The following LRMDA variants were observed in gnomAD, a reference collection of about 807,000 sequenced individuals.
LRMDA encodes the protein leucine rich melanocyte differentiation associated.
In LRMDA, 18 loss-of-function variants were observed where a neutral mutation model predicts 29.8. The ratio of observed to expected loss-of-function variants is 0.60; its 90% CI spans 0.42 to 0.90. The LOEUF (loss-of-function observed/expected upper bound fraction) is 0.90, where lower values mean the gene tolerates loss of function less well. Among genes scored for constraint, LRMDA ranks in the 40% least tolerant of loss-of-function variants. The pLI, the probability that LRMDA is intolerant of heterozygous loss-of-function variation, is 0.00. For missense variants in LRMDA, 273 were observed against 273.9 expected, an observed-to-expected ratio of 1.00 and a Z score of 0.02; for synonymous variants, 125 against 109.4, an observed-to-expected ratio of 1.14 and a Z score of -0.89.
At chr10:76,055,093 A>G (rs1044872098) in intron 4 of LRMDA, among the ~76,000 whole-genome samples, 2 of 143,972 alleles carry the variant, frequency 1.4e-5, no homozygotes, top group Non-Finnish European at 3.0e-5. Context: ...AAAAAAAAAA[A>G]AGAAAAAGAA....
chr10:75,857,611 A>G (rs1844850294), intron 2 of LRMDA, among the ~76,000 whole-genome samples: 1 of 152,246 alleles, frequency 6.6e-6, no homozygotes. Context: ...TAATGGTGAA[A>G]GTAATCTATT....
chr10:76,220,087 A>G (rs1851802063), intron 5 of LRMDA, among the ~76,000 whole-genome samples: 1 of 152,240 alleles, frequency 6.6e-6, no homozygotes, highest in Admixed American at 6.5e-5. Flanking sequence ...AAGACACAAC[A>G]TACCAGAATC....
chr10:75,508,628 A>G (rs1042124753), intron 2 of LRMDA, among the ~76,000 whole-genome samples: 1 of 152,216 alleles, frequency 6.6e-6, no homozygotes, highest in Admixed American at 6.5e-5. Flanking sequence ...CATTATAGCA[A>G]TATGACTTTC....
At chr10:75,511,703 A>T (rs1845228019) in intron 2 of LRMDA, among the ~76,000 whole-genome samples, 2 of 152,192 alleles carry the variant, frequency 1.3e-5, no homozygotes, top group Admixed American at 6.5e-5. Context: ...AATCAGAGGG[A>T]GAAAGTTTCC....
At chr10:75,785,983 T>C (rs1843465639) in intron 2 of LRMDA, among the ~76,000 whole-genome samples, 2 of 152,250 alleles carry the variant, frequency 1.3e-5, no homozygotes, top group South Asian at 2.1e-4. Flanking sequence ...ACATAATGAG[T>C]AGAATTCACA....
At chr10:76,332,068 T>C (rs532723884) in intron 6 of LRMDA, among the ~76,000 whole-genome samples, 35 of 152,350 alleles carry the variant, frequency 2.3e-4, no homozygotes, top group Admixed American at 8.5e-4. Flanking sequence ...ATCAAATTCA[T>C]CTCCTTGCTA....
At chr10:76,293,458 A>T (rs904191444) in intron 5 of LRMDA, among the ~76,000 whole-genome samples, 5 of 152,208 alleles carry the variant, frequency 3.3e-5, no homozygotes, top group Non-Finnish European at 7.3e-5. Flanking sequence ...GATACAAATG[A>T]TGTCTCATGT....
At chr10:75,824,476 C>T (rs1246220676) in intron 2 of LRMDA, among the ~76,000 whole-genome samples, 1 of 151,806 alleles carries the variant, frequency 6.6e-6, no homozygotes, top group East Asian at 1.9e-4. Context: ...GAATATTTAT[C>T]ATCTGGACTT....
At chr10:76,165,104 C>G (rs1469107385) in intron 5 of LRMDA, among the ~76,000 whole-genome samples, 1 of 152,234 alleles carries the variant, frequency 6.6e-6, no homozygotes, top group Admixed American at 6.5e-5. Flanking sequence ...TCCCAAGTAG[C>G]TGGGATTACA....
At chr10:76,273,816 G>A (rs1338192563) in intron 5 of LRMDA, among the ~76,000 whole-genome samples, 3 of 152,122 alleles carry the variant, frequency 2.0e-5, no homozygotes, top group African/African-American at 7.2e-5. Context: ...AACTAATGGG[G>A]ATATTACAGG....
chr10:76,524,316 C>T (rs968861200), intron 6 of LRMDA, among the ~76,000 whole-genome samples: 3 of 152,170 alleles, frequency 2.0e-5, no homozygotes, highest in Non-Finnish European at 2.9e-5. Context: ...AAAAGCACAA[C>T]GGAGACAAAG....
At chr10:75,694,682 T>A (rs528732309) in intron 2 of LRMDA, among the ~76,000 whole-genome samples, 28 of 152,204 alleles carry the variant, frequency 1.8e-4, no homozygotes, top group African/African-American at 5.8e-4. Flanking sequence ...CCACCTCAAA[T>A]AACAATAGAA....
At chr10:76,187,074 G>A (rs920646224) in intron 5 of LRMDA, among the ~76,000 whole-genome samples, 1 of 152,094 alleles carries the variant, frequency 6.6e-6, no homozygotes, top group Non-Finnish European at 1.5e-5. Context: ...GGGTGAAGAG[G>A]CAAAATGTAC....
At chr10:76,064,382 C>T (rs1848750765) in intron 5 of LRMDA, among the ~76,000 whole-genome samples, 1 of 152,146 alleles carries the variant, frequency 6.6e-6, no homozygotes, top group South Asian at 2.1e-4. Flanking sequence ...CTTTCTCAAC[C>T]CACCTGCTCA....
chr10:76,372,312 TTC>T (rs1841463960), intron 6 of LRMDA, among the ~76,000 whole-genome samples: 1 of 152,070 alleles, frequency 6.6e-6, no homozygotes, highest in African/African-American at 2.4e-5. Flanking sequence ...CACTTGAAAA[TTC>T]TCTTTGAAGA....
In LRMDA at chr10:76,497,853, T is replaced by A. The variant is rs377345655; in HGVS notation, c.602-59356T>A. ...TTCCTGGTTTTTGGCATCCTTCCTG[T>A]CTAAATTTTTATCAGATGAGCACTT... is the stretch of plus-strand genomic sequence containing the variant. On this transcript the variant is annotated intron_variant, in intron 6 of 6. Coordinates refer to ENST00000611255, the MANE Select transcript of LRMDA (RefSeq NM_001305581.2). Among the ~76,000 whole-genome samples the A allele has an allele frequency of 1.5e-4, 11 of 75,632 alleles. 4 individuals are homozygous for A. Among genetic ancestry groups the A allele is most frequent in the Admixed American group, 8.6e-4 (7 of 8,120 alleles). The allele number at this position is 75,632 out of a possible 152,430, so 49.6% of individuals were successfully genotyped here.
intron 5 of LRMDA, among the ~76,000 whole-genome samples, chr10:76,101,048 T>C (rs1849387215): frequency 6.6e-6 from 1 of 152,182 alleles, no homozygotes; most frequent in South Asian, 2.1e-4. Flanking sequence ...AGTTCCCTGC[T>C]GGGATCAAGA....
chr10:76,002,617 T>C (rs1307743011), intron 2 of LRMDA, among the ~76,000 whole-genome samples: 1 of 152,140 alleles, frequency 6.6e-6, no homozygotes, highest in Non-Finnish European at 1.5e-5. Flanking sequence ...TACCCAGTCA[T>C]GTGAGGGCAT....
chr10:76,157,889 A>G (rs769519771), intron 5 of LRMDA, among the ~76,000 whole-genome samples: 12 of 152,138 alleles, frequency 7.9e-5, no homozygotes, highest in Non-Finnish European at 4.4e-5. Flanking sequence ...GGTATAGCCT[A>G]TTGCTCCTGA....
Sources: gnomAD v4.1 joint callset for allele counts (sites outside exome capture counted in the v4.1 genomes callset) on GRCh38, gnomAD v4.1.1 for gene constraint, MANE v1.5 for transcripts, NCBI Gene and HGNC (gene_info 2026-07-23, HGNC 2026-07-21) for gene names.